Variants in GFRAL observed in about 807,000 individuals in gnomAD.
The protein encoded by GFRAL is GDNF family receptor alpha-like.
GFRAL carries 36 observed loss-of-function variants against 45.4 expected under a neutral mutation model. That is an observed-to-expected ratio of 0.79 (90% CI 0.61 to 1.05). The LOEUF (loss-of-function observed/expected upper bound fraction) is 1.05. Among genes scored for constraint, GFRAL ranks in the 50% least tolerant of loss-of-function variants. The probability of loss-of-function intolerance (pLI) is 0.00; values close to 1 mark genes in which losing one functional copy is unlikely to be tolerated. For synonymous variants in GFRAL, 166 were observed against 154.1 expected (o/e 1.08, Z -0.57); for missense variants, 507 against 467.5 (o/e 1.08, Z -0.78).
At chr6:55,371,353 A>G (rs960054977) in intron 6 of GFRAL, among the ~76,000 whole-genome samples, 1 of 152,138 alleles carries the variant, frequency 6.6e-6, no homozygotes, top group African/African-American at 2.4e-5. Context: ...TTATGGAATT[A>G]TTTTGTTCTT....
intron 6 of GFRAL, among the ~76,000 whole-genome samples, chr6:55,395,134 C>G (rs1768804525): frequency 7.0e-6 from 1 of 142,618 alleles, no homozygotes; most frequent in South Asian, 2.2e-4. Context: ...TTTCCTAACT[C>G]TCCCCTGTTG....
At chr6:55,366,357 G>T (rs905690042) in intron 6 of GFRAL, among the ~76,000 whole-genome samples, 5 of 149,842 alleles carry the variant, frequency 3.3e-5, no homozygotes, top group South Asian at 2.1e-4. Flanking sequence ...CTTGCTAGTG[G>T]TCTATCAATT....
chr6:55,385,597 T>C (rs1768668838), intron 6 of GFRAL, among the ~76,000 whole-genome samples: 1 of 152,138 alleles, frequency 6.6e-6, no homozygotes, highest in African/African-American at 2.4e-5. Flanking sequence ...TAAACATAGC[T>C]GTTTTTGGCA....
chr6:55,391,156 C>T (rs1183805181), intron 6 of GFRAL, among the ~76,000 whole-genome samples: 1 of 147,798 alleles, frequency 6.8e-6, no homozygotes, highest in Non-Finnish European at 1.5e-5. Context: ...AGCCACTGTT[C>T]TTGGATTTGC....
At chr6:55,339,512 G>A (rs148163054) in intron 3 of GFRAL, among the ~76,000 whole-genome samples, 1,986 of 152,206 alleles carry the variant, frequency 0.013, 23 homozygotes, top group Non-Finnish European at 0.022. Flanking sequence ...AACACAAAGG[G>A]AGGAGAAAGA....
chr6:55,397,390 C>T (rs1210439443), intron 6 of GFRAL, among the ~76,000 whole-genome samples: 3 of 146,970 alleles, frequency 2.0e-5, no homozygotes, highest in South Asian at 2.1e-4. Context: ...CAGTGGCGGG[C>T]GCCTGTAGTC....
At chr6:55,389,712 ACTC>A (rs1469012642) in intron 6 of GFRAL, among the ~76,000 whole-genome samples, 1 of 151,794 alleles carries the variant, frequency 6.6e-6, no homozygotes, top group Non-Finnish European at 1.5e-5. Flanking sequence ...ATGCTACACT[ACTC>A]CTCACTCCAC....
chr6:55,360,097 T>C (rs527941861), intron 6 of GFRAL, among the ~76,000 whole-genome samples: 1 of 152,056 alleles, frequency 6.6e-6, no homozygotes, highest in South Asian at 2.1e-4. Context: ...TTAAATAATT[T>C]GTTCAGCATC....
At chr6:55,375,990 G>A (rs987654927) in intron 6 of GFRAL, among the ~76,000 whole-genome samples, 2 of 152,052 alleles carry the variant, frequency 1.3e-5, no homozygotes, top group African/African-American at 4.8e-5. Flanking sequence ...TATTGGTTGT[G>A]GATTTGTCAT....
chr6:55,359,373 T>A (rs116630538), intron 6 of GFRAL, among the ~76,000 whole-genome samples: 4,045 of 152,160 alleles, frequency 0.027, 92 homozygotes, highest in Admixed American at 0.044. Flanking sequence ...CTCTTAATTA[T>A]CATTTATTGA....
intron 6 of GFRAL, among the ~76,000 whole-genome samples, chr6:55,387,585 C>T (rs1008621393): frequency 6.6e-6 from 1 of 152,190 alleles, no homozygotes; most frequent in South Asian, 2.1e-4. Flanking sequence ...AAGAGGGACT[C>T]TTTAGAAAAA....
In GFRAL at chr6:55,399,280, GT is replaced by G; in HGVS notation, c.1048+7del. The G allele has an allele frequency of 6.4e-7, 1 of 1,569,770 alleles. No homozygotes were observed. Among genetic ancestry groups the G allele is most frequent in the South Asian group, 1.1e-5 (1 of 88,692 alleles). On this transcript the variant is annotated splice_donor_region_variant and intron_variant, in intron 7 of 8. Transcript: ENST00000340465. ...GATTTCATTCCCCCTTCAATGGTCA[GT>G]TAAAAATCAATCCTCTATAATATTT...
chr6:55,355,835 T>C (rs74614126), intron 5 of GFRAL, among the ~76,000 whole-genome samples: 18,350 of 151,922 alleles, frequency 0.12, 1,260 homozygotes, highest in African/African-American at 0.19. Flanking sequence ...TTTCCCCATT[T>C]TATATGATAC....
chr6:55,394,090 C>G (rs950161836), intron 6 of GFRAL, among the ~76,000 whole-genome samples: 2 of 152,092 alleles, frequency 1.3e-5, no homozygotes, highest in African/African-American at 4.8e-5. Flanking sequence ...GGGAAAAAAT[C>G]TAGGATAATT....
intron 6 of GFRAL, among the ~76,000 whole-genome samples, chr6:55,384,198 C>T (rs1768650505): frequency 6.6e-6 from 1 of 151,770 alleles, no homozygotes; most frequent in Non-Finnish European, 1.5e-5. Flanking sequence ...GTGCAGCAAA[C>T]CACCATGGCA....
Position 55,396,422 on chromosome 6 carries a change from A to C in GFRAL, c.953-2758A>C, listed in dbSNP as rs1768825792. Among the ~76,000 whole-genome samples, 2 of 152,168 alleles carry C rather than the reference A, an allele frequency of 1.3e-5. 1 individual carries two copies. Among genetic ancestry groups the C allele is most frequent in the South Asian group, 4.1e-4 (2 of 4,830 alleles). ...ATACTTTTTTCTTCTGCAAAGATGA[A>C]CTGTAATACCCAACTAGACTAAATG... is the stretch of plus-strand genomic sequence containing the variant. On this transcript the variant is annotated intron_variant, in intron 6 of 8. Transcript: ENST00000340465.
chr6:55,335,052 A>G (rs755308196), intron 3 of GFRAL, among the ~76,000 whole-genome samples: 20 of 152,198 alleles, frequency 1.3e-4, no homozygotes, highest in Non-Finnish European at 2.4e-4. Context: ...GTGGGGTCAC[A>G]TGGTAAGTAT....
In GFRAL at chr6:55,397,254, C is replaced by G. The variant is rs1768838234; in HGVS notation, c.953-1926C>G. Among the ~76,000 whole-genome samples, 2 of 151,060 alleles carry G rather than the reference C, an allele frequency of 1.3e-5. 1 individual carries two copies. Among genetic ancestry groups the G allele is most frequent in the African/African-American group, 4.9e-5 (2 of 40,856 alleles). The stretch of plus-strand genomic sequence containing the variant: ...AAAATGCCGGCCGGGCGCGGTGGCT[C>G]ACGCCTGTAATCCCAGCACTTTGGG... On this transcript the variant is annotated intron_variant, in intron 6 of 8. Transcript: ENST00000340465.
At chr6:55,350,066 A>G (rs1768096202) in intron 3 of GFRAL, 26 bp from the exon 4 acceptor site, 1 of 1,357,368 alleles carries the variant, frequency 7.4e-7, no homozygotes, top group Middle Eastern at 2.1e-4. Flanking sequence ...TTCAATAATG[A>G]AATAATTTCT....
Sources: allele counts gnomAD v4.1 joint callset (sites outside exome capture counted in the v4.1 genomes callset), GRCh38; gene constraint gnomAD v4.1.1; transcripts MANE v1.5; gene names NCBI Gene and HGNC (gene_info 2026-07-23, HGNC 2026-07-21).